Variants in KHDRBS2 observed in about 807,000 individuals in gnomAD.
KHDRBS2 encodes KH RNA binding domain containing, signal transduction associated 2, also known as KH domain-containing, RNA-binding, signal transduction-associated protein 2.
A neutral mutation model predicts 44.3 loss-of-function variants in KHDRBS2; 26 were observed. The ratio of observed to expected loss-of-function variants is 0.59; its 90% confidence interval spans 0.43 to 0.81. The LOEUF is 0.81. Ranked by LOEUF, KHDRBS2 falls within the 40% of genes least tolerant of loss-of-function variation. The pLI, the probability that KHDRBS2 is intolerant of heterozygous loss-of-function variation, is 0.00. For synonymous variants in KHDRBS2, 194 were observed against 151.1 expected, an observed-to-expected ratio of 1.28 and a Z score of -2.08; for missense variants, 476 against 433.1, an observed-to-expected ratio of 1.10 and a Z score of -0.88.
intron 1 of KHDRBS2, among the ~76,000 whole-genome samples, chr6:62,191,600 A>G (rs1824627126): frequency 6.6e-6 from 1 of 152,128 alleles, no homozygotes; most frequent in Non-Finnish European, 1.5e-5. Flanking sequence ...TACAATAGAT[A>G]ACTTAGAATT....
At chr6:61,713,091 G>T (rs982755860) in intron 7 of KHDRBS2, among the ~76,000 whole-genome samples, 1 of 151,342 alleles carries the variant, frequency 6.6e-6, no homozygotes, top group African/African-American at 2.4e-5. Flanking sequence ...TTTTGGCCCA[G>T]ATGTCACAAG....
intron 4 of KHDRBS2, among the ~76,000 whole-genome samples, chr6:61,920,992 T>C (rs534211789): frequency 6.6e-6 from 1 of 152,062 alleles, no homozygotes; most frequent in African/African-American, 2.4e-5. Context: ...GTGGATTACA[T>C]ATTTCAAAAT....
At chr6:62,035,871 G>T (rs1255373957) in intron 3 of KHDRBS2, among the ~76,000 whole-genome samples, 1 of 152,000 alleles carries the variant, frequency 6.6e-6, no homozygotes, top group South Asian at 2.1e-4. Context: ...GGGAACATCT[G>T]CACTAAGGTG....
chr6:61,590,528 A>G, the KHDRBS2 span, among the ~76,000 whole-genome samples: 4 of 152,238 alleles, frequency 2.6e-5, no homozygotes, highest in African/African-American at 7.2e-5. Context: ...CATGATATAT[A>G]TAACATGTTA....
At position 61,715,357 on chromosome 6, in the gene KHDRBS2, C is replaced by T. The variant is rs548549648; in HGVS notation, c.893+17325G>A. Among the ~76,000 whole-genome samples the T allele has an allele frequency of 1.1e-4, 17 of 152,078 alleles. No individual in the cohort carries two copies. The East Asian group carries it at 2.9e-3, about 26-fold the overall frequency. On this transcript the variant is annotated intron_variant, in intron 7 of 8. Transcript: ENST00000281156. ...TTGATGATAACCTAAAACTCTATCC[C>T]AATACCACTTTTTTTCTTTTTTCCT... is the stretch of plus-strand genomic sequence containing the variant.
intron 2 of KHDRBS2, among the ~76,000 whole-genome samples, chr6:62,156,876 G>A (rs1330675316): frequency 6.8e-6 from 1 of 146,200 alleles, no homozygotes; most frequent in East Asian, 2.1e-4. Context: ...TAGTAGAGAC[G>A]GGGTTTCACC....
At chr6:62,022,721 T>C (rs528218025) in intron 3 of KHDRBS2, among the ~76,000 whole-genome samples, 3 of 151,890 alleles carry the variant, frequency 2.0e-5, no homozygotes, top group African/African-American at 7.2e-5. Context: ...CAAAGACCAA[T>C]AGAATTTCAA....
intron 7 of KHDRBS2, among the ~76,000 whole-genome samples, chr6:61,724,717 C>A (rs1409941123): frequency 6.6e-6 from 1 of 152,016 alleles, no homozygotes; most frequent in Non-Finnish European, 1.5e-5. Context: ...CAAAGAAAGG[C>A]AATACATAAT....
At chr6:62,091,565 A>G (rs996993224) in intron 2 of KHDRBS2, among the ~76,000 whole-genome samples, 3 of 152,184 alleles carry the variant, frequency 2.0e-5, no homozygotes, top group Non-Finnish European at 2.9e-5. Context: ...AGTCCATATG[A>G]GTGCAACTTG....
chr6:62,274,233 T>C (rs1308463560), intron 1 of KHDRBS2, among the ~76,000 whole-genome samples: 1 of 152,148 alleles, frequency 6.6e-6, no homozygotes, highest in African/African-American at 2.4e-5. Flanking sequence ...TATTGTTATT[T>C]GAATCCAGGC....
At position 61,730,722 on chromosome 6, in the gene KHDRBS2, G is replaced by C. The variant is rs555894246; in HGVS notation, c.893+1960C>G. Among the ~76,000 whole-genome samples the C allele has an allele frequency of 4.6e-5, 7 of 152,104 alleles. 1 individual carries two copies. The South Asian group carries it at 1.0e-3, about 23-fold the overall frequency. ...AATTGAGTGGATAGGAAAGGAGACA[G>C]GGAAGGCAGCAGAAGTGTGTAGAAA... On this transcript the variant is annotated intron_variant, in intron 7 of 8. Transcript: ENST00000281156.
At chr6:61,984,257 C>T (rs1740668033) in intron 3 of KHDRBS2, among the ~76,000 whole-genome samples, 1 of 152,110 alleles carries the variant, frequency 6.6e-6, no homozygotes, top group African/African-American at 2.4e-5. Context: ...TTATCCTATG[C>T]TTCAATCATT....
chr6:61,968,584 T>C (rs1770637955), intron 4 of KHDRBS2, among the ~76,000 whole-genome samples: 2 of 152,078 alleles, frequency 1.3e-5, no homozygotes, highest in South Asian at 4.1e-4. Context: ...TGCTGAATGG[T>C]AATAAGTCCA....
chr6:61,977,971 A>G, intron 4 of KHDRBS2, 95 bp downstream of exon 4: 1 of 1,051,356 alleles, frequency 9.5e-7, no homozygotes, highest in East Asian at 2.5e-5. Context: ...GGTTTGCAAT[A>G]TGAGTTTCCT....
At chr6:61,762,379 T>C (rs956582718) in intron 6 of KHDRBS2, among the ~76,000 whole-genome samples, 7 of 152,184 alleles carry the variant, frequency 4.6e-5, no homozygotes, top group African/African-American at 9.7e-5. Flanking sequence ...TCGAAACACA[T>C]GTTAAAATTT....
intron 6 of KHDRBS2, among the ~76,000 whole-genome samples, chr6:61,794,034 T>G (rs1233075146): frequency 3.9e-5 from 6 of 152,158 alleles, no homozygotes; most frequent in African/African-American, 1.4e-4. Flanking sequence ...CATTTAGTAT[T>G]TATTTGCTCA....
chr6:62,053,384 C>T (rs1302834768), intron 2 of KHDRBS2, among the ~76,000 whole-genome samples: 2 of 151,834 alleles, frequency 1.3e-5, no homozygotes, highest in Non-Finnish European at 2.9e-5. Flanking sequence ...AAAAAACCCA[C>T]TTGGCAAAAT....
chr6:61,648,197 T>C, the KHDRBS2 span, among the ~76,000 whole-genome samples: 3 of 152,102 alleles, frequency 2.0e-5, no homozygotes, highest in Non-Finnish European at 4.4e-5. Flanking sequence ...AATTATGCCA[T>C]CTTGAGTTTT....
chr6:61,738,198 T>C (rs1449895369), intron 6 of KHDRBS2, among the ~76,000 whole-genome samples: 1 of 152,020 alleles, frequency 6.6e-6, no homozygotes, highest in Admixed American at 6.6e-5. Flanking sequence ...ACGCAGAATT[T>C]CCTCAAGTAC....
Sources: gnomAD v4.1 joint callset for allele counts (sites outside exome capture counted in the v4.1 genomes callset) on GRCh38, gnomAD v4.1.1 for gene constraint, MANE v1.5 for transcripts, NCBI Gene and HGNC (gene_info 2026-07-23, HGNC 2026-07-21) for gene names.